The following YAP1 variants were observed in gnomAD, a reference collection of about 807,000 sequenced individuals.
YAP1 encodes transcriptional coactivator YAP1.
Under a neutral mutation model 56.9 loss-of-function variants are expected in YAP1, and 5 were observed. The observed-to-expected ratio is 0.09, with a 90% confidence interval of 0.05 to 0.18. The LOEUF (loss-of-function observed/expected upper bound fraction) is 0.18. Ranked by LOEUF, YAP1 falls within the 10% of genes least tolerant of loss-of-function variation. The pLI is 1.00. For missense variants in YAP1, 539 were observed against 651.8 expected, an observed-to-expected ratio of 0.83 and a Z score of 1.88; for synonymous variants, 265 against 248.1, an observed-to-expected ratio of 1.07 and a Z score of -0.64.
chr11:102,113,642 G>A (rs1419965371), intron 1 of YAP1, among the ~76,000 whole-genome samples: 1 of 151,736 alleles, frequency 6.6e-6, no homozygotes, highest in African/African-American at 2.4e-5. Context: ...CTTTATTGAT[G>A]GCATTTTATC....
At chr11:102,138,087 A>G (rs1350998359) in intron 2 of YAP1, among the ~76,000 whole-genome samples, 2 of 152,250 alleles carry the variant, frequency 1.3e-5, no homozygotes, top group South Asian at 2.1e-4. Flanking sequence ...GGGTTTCGCC[A>G]TGTTGGCCAG....
chr11:102,164,034 ATTT>A (rs570625635), intron 3 of YAP1, among the ~76,000 whole-genome samples: 3 of 142,888 alleles, frequency 2.1e-5, no homozygotes, highest in East Asian at 2.0e-4. Context: ...TTAAGTAAAA[ATTT>A]TTTTTTTTTT....
chr11:102,187,227 A>T (rs1948015207), intron 4 of YAP1, among the ~76,000 whole-genome samples: 1 of 152,228 alleles, frequency 6.6e-6, no homozygotes, highest in Non-Finnish European at 1.5e-5. Context: ...CTTTAAAAAA[A>T]TAAATTCAAG....
intron 2 of YAP1, among the ~76,000 whole-genome samples, chr11:102,127,631 G>A (rs1364816942): frequency 6.6e-6 from 1 of 152,186 alleles, no homozygotes; most frequent in East Asian, 1.9e-4. Flanking sequence ...TGTGGGGTTG[G>A]AGCCCCCACA....
At chr11:102,226,592 G>A (rs531542507) in intron 7 of YAP1, among the ~76,000 whole-genome samples, 3 of 152,298 alleles carry the variant, frequency 2.0e-5, no homozygotes, top group South Asian at 2.1e-4. Flanking sequence ...AATGCCAGCT[G>A]ATGTCTAGAT....
intron 2 of YAP1, among the ~76,000 whole-genome samples, chr11:102,121,712 C>T (rs1943665516): frequency 6.6e-6 from 1 of 152,166 alleles, no homozygotes; most frequent in South Asian, 2.1e-4. Context: ...CACTGTGGGG[C>T]TTGGATCATT....
At chr11:102,116,199 T>C (rs940370064) in intron 2 of YAP1, among the ~76,000 whole-genome samples, 1 of 152,242 alleles carries the variant, frequency 6.6e-6, no homozygotes, top group African/African-American at 2.4e-5. Context: ...TATTGACTAA[T>C]GTACAAACTT....
At chr11:102,185,493 G>GT (rs1254930141) in intron 3 of YAP1, among the ~76,000 whole-genome samples, 2 of 152,062 alleles carry the variant, frequency 1.3e-5, no homozygotes, top group Non-Finnish European at 2.9e-5. Context: ...CTGTCTTACA[G>GT]TTTTCTTGGT....
intron 3 of YAP1, among the ~76,000 whole-genome samples, chr11:102,164,537 T>G (rs1453362760): frequency 2.0e-5 from 3 of 152,214 alleles, no homozygotes; most frequent in Non-Finnish European, 4.4e-5. Flanking sequence ...TAACATTAAT[T>G]TAAACTTTAT....
At chr11:102,165,712 T>G (rs901727586) in intron 3 of YAP1, among the ~76,000 whole-genome samples, 1 of 152,190 alleles carries the variant, frequency 6.6e-6, no homozygotes, top group Admixed American at 6.5e-5. Context: ...TGAAGGTCCA[T>G]TTTGCACTGT....
At chr11:102,149,025 A>T (rs991341254) in intron 2 of YAP1, among the ~76,000 whole-genome samples, 2 of 152,100 alleles carry the variant, frequency 1.3e-5, no homozygotes, top group East Asian at 3.9e-4. Flanking sequence ...TGGTATTCTG[A>T]TATCTTTTAC....
rs545602612 is a variant in YAP1 at position 102,157,920 on chromosome 11, G to A, written c.573-4536G>A. On this transcript the variant is annotated intron_variant, in intron 2 of 8. Coordinates refer to ENST00000282441, the MANE Select transcript of YAP1 (RefSeq NM_001130145.3). ...GTGTTAGGGGCTTAAACACTTGACA[G>A]CTGCATTTTTAAAAAAGTTTCTAAT... Among the ~76,000 whole-genome samples the A allele has an allele frequency of 2.0e-5, 3 of 152,282 alleles. No individual in the cohort carries two copies. The East Asian group carries it at 5.8e-4, about 29-fold the overall frequency.
intron 1 of YAP1, among the ~76,000 whole-genome samples, chr11:102,111,621 G>T (rs1177328736): frequency 6.6e-6 from 1 of 152,090 alleles, no homozygotes; most frequent in African/African-American, 2.4e-5. Context: ...GGGGAGGGGG[G>T]CCTCTGGCAT....
At chr11:102,227,724 T>A (rs1950260259) in intron 8 of YAP1, 143 bp downstream of exon 8, 2 of 645,890 alleles carry the variant, frequency 3.1e-6, no homozygotes, top group Non-Finnish European at 5.5e-6. Flanking sequence ...GATCCTGCTT[T>A]GTCTCTATAC....
intron 2 of YAP1, among the ~76,000 whole-genome samples, chr11:102,147,430 C>G (rs1259850466): frequency 6.6e-6 from 1 of 152,170 alleles, no homozygotes; most frequent in Admixed American, 6.5e-5. Context: ...TCTTTCTAGT[C>G]TTTTCTACCT....
chr11:102,216,824 G>T (rs768610932), intron 6 of YAP1, among the ~76,000 whole-genome samples: 5 of 152,196 alleles, frequency 3.3e-5, no homozygotes, highest in African/African-American at 4.8e-5. Context: ...GGGGAAATAA[G>T]TTACAGGAAA....
At position 102,209,501 on chromosome 11, in the gene YAP1, T is replaced by A. The variant is rs1284287291; in HGVS notation, c.985-16T>A. ...GGCTTAAAGTAATTTTTATCCGTCTTATTTTTTACTCTTAGGCAATGCGGA... is the reference window on the plus strand; with the variant it reads ...GGCTTAAAGTAATTTTTATCCGTCTAATTTTTTACTCTTAGGCAATGCGGA... On this transcript the variant is annotated splice_polypyrimidine_tract_variant and intron_variant, in intron 5 of 8. Transcript: ENST00000282441. 6.2e-7 allele frequency: 1 copy of A among 1,601,222 alleles called. No individual in the cohort carries two copies. The highest frequency in any genetic ancestry group is 8.5e-7 in the Non-Finnish European group (1 of 1,174,962).
chr11:102,227,225 C>T, intron 7 of YAP1: 1 of 467,812 alleles, frequency 2.1e-6, no homozygotes, highest in South Asian at 3.1e-5. Flanking sequence ...AAGCACAGAA[C>T]CTTAGGAGAA....
At chr11:102,156,874 G>T (rs1490266695) in intron 2 of YAP1, among the ~76,000 whole-genome samples, 2 of 152,156 alleles carry the variant, frequency 1.3e-5, no homozygotes, top group African/African-American at 4.8e-5. Context: ...TCCCAGGGGA[G>T]ATGTATTATA....
Sources: allele counts gnomAD v4.1 joint callset (sites outside exome capture counted in the v4.1 genomes callset), GRCh38; gene constraint gnomAD v4.1.1; transcripts MANE v1.5; gene names NCBI Gene and HGNC (gene_info 2026-07-23, HGNC 2026-07-21).